COL21A1: variants seen among roughly 807,000 people sequenced by gnomAD.
COL21A1 encodes the protein collagen alpha-1(XXI) chain.
COL21A1 carries 149 observed loss-of-function variants against 137.9 expected under a neutral mutation model. The observed-to-expected ratio is 1.08, with a 90% CI of 0.95 to 1.24. The LOEUF (loss-of-function observed/expected upper bound fraction) is 1.24. COL21A1 is among the 50% of genes most tolerant of loss of function. The probability of loss-of-function intolerance (pLI) is 0.00; values close to 1 mark genes in which losing one functional copy is unlikely to be tolerated. For missense variants in COL21A1, 1,167 were observed against 1,158.4 expected (o/e 1.01, Z -0.11); for synonymous variants, 456 against 391.5 (o/e 1.16, Z -1.95).
chr6:56,293,129 T>C (rs1164512202), intron 1 of COL21A1, among the ~76,000 whole-genome samples: 3 of 152,170 alleles, frequency 2.0e-5, no homozygotes, highest in African/African-American at 7.2e-5. Context: ...AAAGCAGAAG[T>C]TTCCGTATAT....
intron 12 of COL21A1, among the ~76,000 whole-genome samples, chr6:56,139,002 A>T (rs1301481819): frequency 6.6e-6 from 1 of 152,066 alleles, no homozygotes; most frequent in Non-Finnish European, 1.5e-5. Flanking sequence ...AGGCCTGTGG[A>T]CTCCACATGG....
At chr6:56,236,700 T>C (rs1482286880) in intron 1 of COL21A1, among the ~76,000 whole-genome samples, 1 of 152,060 alleles carries the variant, frequency 6.6e-6, no homozygotes, top group Non-Finnish European at 1.5e-5. Context: ...GTTTGCTTTC[T>C]AAAAATTGTA....
At chr6:56,325,769 T>TATATTTATATAATAATATATATA (rs1765050495) in intron 1 of COL21A1, among the ~76,000 whole-genome samples, 4 of 6,196 alleles carry the variant, frequency 6.5e-4, no homozygotes, top group Non-Finnish European at 1.1e-3. Context: ...TATTATATAT[T>TATATTTATATAATAATATATATA]ATATATATTT....
chr6:56,236,363 T>C (rs886636865), intron 1 of COL21A1, among the ~76,000 whole-genome samples: 6 of 152,044 alleles, frequency 3.9e-5, no homozygotes, highest in Non-Finnish European at 5.9e-5. Flanking sequence ...TTCCCTAAAA[T>C]AGAAAGTTTC....
intron 16 of COL21A1, among the ~76,000 whole-genome samples, chr6:56,119,789 C>T (rs571034881): frequency 6.6e-6 from 1 of 152,112 alleles, no homozygotes; most frequent in African/African-American, 2.4e-5. Context: ...ACAAAGATTC[C>T]GAGAACATAC....
intron 1 of COL21A1, among the ~76,000 whole-genome samples, chr6:56,327,889 A>G (rs890663339): frequency 6.6e-6 from 1 of 152,104 alleles, no homozygotes; most frequent in Non-Finnish European, 1.5e-5. Flanking sequence ...CCATCTCACA[A>G]TGGGACTAAC....
At chr6:56,229,991 C>T (rs1925147) in intron 1 of COL21A1, among the ~76,000 whole-genome samples, 114,992 of 151,654 alleles carry the variant, frequency 0.76, 44,281 homozygotes, top group East Asian at 0.9. Context: ...CTATGACCAA[C>T]AGTGTTTAAT....
intron 1 of COL21A1, among the ~76,000 whole-genome samples, chr6:56,370,578 A>G (rs978677668): frequency 5.3e-5 from 8 of 152,218 alleles, no homozygotes; most frequent in Non-Finnish European, 1.0e-4. Flanking sequence ...AATAAACCGT[A>G]CAATTGGGCT....
intron 12 of COL21A1, among the ~76,000 whole-genome samples, chr6:56,137,748 CAGGACAGAAG>C (rs74949055): frequency 0.072 from 10,891 of 152,020 alleles, 427 homozygotes; most frequent in Middle Eastern, 0.12. Context: ...AAGAGAAAAC[CAGGACAGAAG>C]AGGAATAACA....
At chr6:56,337,885 T>C (rs1428446426) in intron 1 of COL21A1, among the ~76,000 whole-genome samples, 1 of 152,104 alleles carries the variant, frequency 6.6e-6, no homozygotes, top group East Asian at 1.9e-4. Flanking sequence ...ACATTCACTG[T>C]AATGCTCATC....
At chr6:56,175,441 G>A (rs1199246666) in intron 3 of COL21A1, among the ~76,000 whole-genome samples, 2 of 151,954 alleles carry the variant, frequency 1.3e-5, no homozygotes, top group East Asian at 1.9e-4. Flanking sequence ...AACCAATTAA[G>A]CAAATTTGGA....
chr6:56,133,521 G>A (rs1773736500), intron 12 of COL21A1, among the ~76,000 whole-genome samples: 1 of 152,198 alleles, frequency 6.6e-6, no homozygotes, highest in South Asian at 2.1e-4. Context: ...CCCATTTTCT[G>A]CGGAGAAATT....
At position 56,377,180 on chromosome 6, in the gene COL21A1, G is replaced by A. The variant is rs982701617; in HGVS notation, c.-39+16791C>T. On this transcript the variant is annotated intron_variant, in intron 1 of 28. Coordinates refer to the COL21A1 transcript ENST00000370819. ...TATTTTTTGTATTTTTAGTAGAGAC[G>A]GGGTTTCACCATGCTGGCCAGGCTG... Among the ~76,000 whole-genome samples the A allele has an allele frequency of 3.9e-5, 6 of 151,952 alleles. No individual in the cohort carries two copies. The East Asian group carries it at 5.8e-4, about 15-fold the overall frequency.
intron 1 of COL21A1, among the ~76,000 whole-genome samples, chr6:56,228,067 G>A (rs927378785): frequency 6.6e-6 from 1 of 151,998 alleles, no homozygotes; most frequent in African/African-American, 2.4e-5. Context: ...TGGGAAAGGG[G>A]TGAGGGGTGA....
intron 12 of COL21A1, among the ~76,000 whole-genome samples, chr6:56,129,675 CGTGTGTGTGTGT>C (rs78820557): frequency 3.7e-5 from 5 of 136,414 alleles, no homozygotes; most frequent in African/African-American, 1.4e-4. Context: ...CACGTGCGTG[CGTGTGTGTGTGT>C]GTGTGTGTGT....
intron 20 of COL21A1, among the ~76,000 whole-genome samples, chr6:56,072,817 T>C (rs1205112078): frequency 6.6e-6 from 1 of 151,570 alleles, no homozygotes; most frequent in Non-Finnish European, 1.5e-5. Flanking sequence ...TTAAAATATT[T>C]TATTGAAAAG....
chr6:56,351,460 T>C (rs1218032091), intron 1 of COL21A1, among the ~76,000 whole-genome samples: 2 of 152,156 alleles, frequency 1.3e-5, no homozygotes, highest in Non-Finnish European at 2.9e-5. Flanking sequence ...AATCCATCTT[T>C]CTGGACAGAG....
chr6:56,276,611 A>C, intron 1 of COL21A1: 3 of 1,434,450 alleles, frequency 2.1e-6, no homozygotes, highest in Non-Finnish European at 2.9e-6. Context: ...GTATTCTGGC[A>C]GAAGTTTATA....
chr6:56,221,998 C>A (rs1780857819), intron 1 of COL21A1, among the ~76,000 whole-genome samples: 1 of 152,194 alleles, frequency 6.6e-6, no homozygotes, highest in Non-Finnish European at 1.5e-5. Context: ...GTTGGCCAGG[C>A]ATGGTGGCTC....
Sources: gnomAD v4.1 joint callset for allele counts (sites outside exome capture counted in the v4.1 genomes callset) on GRCh38, gnomAD v4.1.1 for gene constraint, MANE v1.5 for transcripts, NCBI Gene and HGNC (gene_info 2026-07-23, HGNC 2026-07-21) for gene names.